DNAH12: variants seen among roughly 807,000 people sequenced by gnomAD.
The protein encoded by DNAH12 is dynein axonemal heavy chain 12.
Under a neutral mutation model 371.5 loss-of-function variants are expected in DNAH12, and 285 were observed. The ratio of observed to expected loss-of-function variants is 0.77; its 90% CI spans 0.70 to 0.85. The LOEUF (loss-of-function observed/expected upper bound fraction) is 0.85. Ranked by LOEUF, DNAH12 falls within the 40% of genes least tolerant of loss-of-function variation. DNAH12 has a pLI of 0.00. For missense variants in DNAH12, 3,611 were observed against 3,689.4 expected (o/e 0.98, Z 0.55); for synonymous variants, 1,200 against 1,213.0 (o/e 0.99, Z 0.22).
At chr3:57,443,048 T>C (rs2065358061) in intron 29 of DNAH12, among the ~76,000 whole-genome samples, 1 of 152,238 alleles carries the variant, frequency 6.6e-6, no homozygotes, top group Non-Finnish European at 1.5e-5. Context: ...CAGCCACATA[T>C]TACCTATTTC....
chr3:57,485,744 A>T (rs2066904219), intron 12 of DNAH12, among the ~76,000 whole-genome samples: 1 of 152,140 alleles, frequency 6.6e-6, no homozygotes, highest in Non-Finnish European at 1.5e-5. Context: ...GGAAAACCAA[A>T]TATCGTATAT....
rs2064721664 is a variant in DNAH12 at position 57,425,091 on chromosome 3, G to A, written c.5304C>T (p.Leu1768=). The change falls in exon 35 of 74, where the codon CTC becomes CTT. Residue 1768 remains leucine, a synonymous_variant. Transcript: ENST00000495027. ...NSNVVVSLTR[L]FEVLLCNVVE... The stretch of plus-strand genomic sequence containing the variant: ...CCACATTGCAAAGTAGCACTTCAAA[G>A]AGGCGTGTGAGAGATACAACCACGT... The A allele has an allele frequency of 2.8e-6, 2 of 702,730 alleles. No individual in the cohort carries two copies. Among genetic ancestry groups the A allele is most frequent in the Non-Finnish European group, 5.2e-6 (2 of 384,930 alleles). 43.5% of individuals were successfully genotyped at this position (702,730 alleles called of 1,614,324 possible).
intron 13 of DNAH12, among the ~76,000 whole-genome samples, chr3:57,479,637 A>T (rs1258421094): frequency 6.6e-6 from 1 of 152,280 alleles, no homozygotes; most frequent in East Asian, 1.9e-4. Flanking sequence ...AGCACCACAC[A>T]GCACTTATTC....
At chr3:57,511,620 A>G (rs1248104180) in intron 4 of DNAH12, among the ~76,000 whole-genome samples, 1 of 152,230 alleles carries the variant, frequency 6.6e-6, no homozygotes, top group Non-Finnish European at 1.5e-5. Flanking sequence ...TAAACATGCA[A>G]GAATAGCCAA....
intron 13 of DNAH12, among the ~76,000 whole-genome samples, chr3:57,477,729 C>G (rs2066587395): frequency 1.3e-5 from 2 of 152,166 alleles, no homozygotes; most frequent in African/African-American, 2.4e-5. Context: ...GACAAAACTT[C>G]CAGAGGAACG....
In DNAH12 at chr3:57,309,830, C is replaced by T; in HGVS notation, c.10921G>A (p.Glu3641Lys). 1 of 1,548,008 alleles carries T rather than the reference C, an allele frequency of 6.5e-7. No individual in the cohort carries two copies. Among genetic ancestry groups the T allele is most frequent in the Non-Finnish European group, 8.7e-7 (1 of 1,146,052 alleles). ...IKKLPFTQHP[E>K]IFGLHENVDI... ...ACGTTTTCATGTAATCCAAATATCT[C>T]AGGGTGTTGAGTAAATGGAAGTTTC... The change falls in exon 68 of 74, where the codon GAG becomes AAG. Residue 3641 changes from glutamate (E) to lysine (K), a missense_variant. By Grantham distance (56) the Glu-to-Lys change is moderately conservative. Coordinates refer to ENST00000495027, the MANE Select transcript of DNAH12 (RefSeq NM_001366028.2).
At chr3:57,325,974 G>A (rs1214963278) in intron 62 of DNAH12, among the ~76,000 whole-genome samples, 1 of 151,950 alleles carries the variant, frequency 6.6e-6, no homozygotes. Flanking sequence ...ATCAGTGATG[G>A]AAGATGAAAT....
chr3:57,455,305 C>T (rs1434673101), intron 22 of DNAH12, among the ~76,000 whole-genome samples: 1 of 151,800 alleles, frequency 6.6e-6, no homozygotes, highest in Admixed American at 6.6e-5. Context: ...TGACTGACAC[C>T]TGTAATCCCA....
chr3:57,469,032 G>A (rs2066286807), intron 16 of DNAH12, 53 bp from the exon 17 acceptor site: 1 of 1,468,332 alleles, frequency 6.8e-7, no homozygotes, highest in Admixed American at 2.7e-5. Context: ...GTTTGAAGGG[G>A]CCTTAGAGAT....
intron 7 of DNAH12, 56 bp downstream of exon 7, chr3:57,508,325 CA>C (rs2067850675): frequency 9.0e-6 from 13 of 1,452,430 alleles, no homozygotes; most frequent in Non-Finnish European, 1.1e-5. Context: ...ATTATACAGT[CA>C]AAAATATAGA....
At chr3:57,493,059 G>A (rs2067186352) in intron 11 of DNAH12, among the ~76,000 whole-genome samples, 2 of 151,960 alleles carry the variant, frequency 1.3e-5, no homozygotes, top group South Asian at 4.2e-4. Flanking sequence ...CATATACTTG[G>A]TCTTGATATT....
chr3:57,505,049 G>A (rs1245971495), intron 8 of DNAH12, among the ~76,000 whole-genome samples: 1 of 151,908 alleles, frequency 6.6e-6, no homozygotes, highest in Non-Finnish European at 1.5e-5. Flanking sequence ...TACCACGCCT[G>A]GCTAATTTTT....
At position 57,482,877 on chromosome 3, in the gene DNAH12, A is replaced by T. The variant is rs1382580709; in HGVS notation, c.1650+499T>A. Among the ~76,000 whole-genome samples the T allele has an allele frequency of 1.6e-4, 23 of 139,844 alleles. No homozygotes were observed. The East Asian group carries it at 4.7e-3, about 29-fold the overall frequency. 91.7% of individuals were successfully genotyped at this position (139,844 alleles called of 152,430 possible). On this transcript the variant is annotated intron_variant, in intron 13 of 73. Coordinates refer to ENST00000495027, the MANE Select transcript of DNAH12 (RefSeq NM_001366028.2). ...CATAGGTGGGAATTGAACAATGAGAACACATGGACACAGGAAGGGGAACAT... is the reference window on the plus strand; with the variant it reads ...CATAGGTGGGAATTGAACAATGAGATCACATGGACACAGGAAGGGGAACAT...
intron 35 of DNAH12, among the ~76,000 whole-genome samples, chr3:57,423,974 A>T (rs1559642981): frequency 6.6e-6 from 1 of 151,660 alleles, no homozygotes; most frequent in Non-Finnish European, 1.5e-5. Context: ...CCTGACCTCA[A>T]ATGATCTGCC....
chr3:57,425,085 T>G lies in DNAH12; in HGVS notation c.5310A>C (p.Glu1770Asp), dbSNP rs2064721360. The G allele has an allele frequency of 1.0e-5, 7 of 702,868 alleles. No homozygotes were observed. The East Asian group carries it at 1.9e-4, about 19-fold the overall frequency. 43.5% of individuals were successfully genotyped at this position (702,868 alleles called of 1,614,324 possible). Residue 1770 changes from glutamate (E) to aspartate (D), a missense_variant, in exon 35 of 74, where the codon GAA becomes GAC. By Grantham distance (45) the Glu-to-Asp change is conservative (BLOSUM62 2). Around this residue, in one of 3 missense-constraint regions of DNAH12, gnomAD observed 2,266 missense variants for 2,236.9 expected, o/e 1.01. Coordinates refer to ENST00000495027, the MANE Select transcript of DNAH12 (RefSeq NM_001366028.2). ...NVVVSLTRLF[E>D]VLLCNVVEND... ...TTTCTACCACATTGCAAAGTAGCAC[T>G]TCAAAGAGGCGTGTGAGAGATACAA...
chr3:57,301,964 C>T (rs537970750), intron 69 of DNAH12, 25 bp from the exon 70 acceptor site: 2 of 1,544,020 alleles, frequency 1.3e-6, no homozygotes, highest in East Asian at 2.4e-5. Context: ...ATTATGTCAT[C>T]AACATATATG....
At chr3:57,395,860 G>T (rs2063725728) in intron 43 of DNAH12, among the ~76,000 whole-genome samples, 1 of 152,108 alleles carries the variant, frequency 6.6e-6, no homozygotes, top group South Asian at 2.1e-4. Flanking sequence ...GGGAGGGTGA[G>T]GTGGGAGGAT....
intron 43 of DNAH12, among the ~76,000 whole-genome samples, chr3:57,399,699 CT>C (rs1237227085): frequency 1.3e-5 from 2 of 152,192 alleles, no homozygotes; most frequent in African/African-American, 4.8e-5. Flanking sequence ...TCTGCCACCC[CT>C]GAGACAGCAA....
At chr3:57,402,884 CAT>C (rs1474560595) in intron 43 of DNAH12, among the ~76,000 whole-genome samples, 1 of 152,168 alleles carries the variant, frequency 6.6e-6, no homozygotes, top group Non-Finnish European at 1.5e-5. Flanking sequence ...GTGCTGACTC[CAT>C]AGTTATTCAT....
Sources: allele counts gnomAD v4.1 joint callset (sites outside exome capture counted in the v4.1 genomes callset), GRCh38; gene constraint gnomAD v4.1.1; regional missense constraint gnomAD v4.1.1; transcripts MANE v1.5; gene names NCBI Gene and HGNC (gene_info 2026-07-23, HGNC 2026-07-21).